Variants in CSMD1 observed in about 807,000 individuals in gnomAD.
CSMD1 encodes the protein CUB and Sushi multiple domains 1.
A neutral mutation model predicts 417.5 loss-of-function variants in CSMD1; 213 were observed. The ratio of observed to expected loss-of-function variants is 0.51; its 90% CI spans 0.46 to 0.57. CSMD1 has a LOEUF of 0.57. Among genes scored for constraint, CSMD1 ranks in the 20% least tolerant of loss-of-function variants. CSMD1 has a pLI of 0.00. For missense variants in CSMD1, 6,923 were observed against 4,529.7 expected (o/e 1.53, Z -15.17); for synonymous variants, 2,862 against 1,736.8 (o/e 1.65, Z -16.11).
At chr8:4,201,395 G>T (rs775530225) in intron 3 of CSMD1, among the ~76,000 whole-genome samples, 62 of 151,760 alleles carry the variant, frequency 4.1e-4, no homozygotes, top group Non-Finnish European at 8.1e-4. Flanking sequence ...AAAATTAGCC[G>T]GGGGTGGCGC....
intron 3 of CSMD1, among the ~76,000 whole-genome samples, chr8:4,085,033 A>G (rs1041648411): frequency 6.6e-6 from 1 of 152,170 alleles, no homozygotes; most frequent in African/African-American, 2.4e-5. Flanking sequence ...AACTATCCAC[A>G]AATTCTAAAG....
At chr8:3,506,617 G>A (rs888277867) in intron 10 of CSMD1, among the ~76,000 whole-genome samples, 1 of 152,076 alleles carries the variant, frequency 6.6e-6, no homozygotes, top group Non-Finnish European at 1.5e-5. Flanking sequence ...AAAAAAGCAT[G>A]CTAATATTTT....
chr8:4,421,455 T>C (rs1797244618), intron 2 of CSMD1, among the ~76,000 whole-genome samples: 1 of 152,158 alleles, frequency 6.6e-6, no homozygotes, highest in Non-Finnish European at 1.5e-5. Context: ...CCTCAAACTA[T>C]ATAAAATAAC....
chr8:4,745,431 G>A (rs553036411), intron 1 of CSMD1, among the ~76,000 whole-genome samples: 78 of 152,252 alleles, frequency 5.1e-4, no homozygotes, highest in African/African-American at 1.8e-3. Flanking sequence ...GAATGACTAT[G>A]TATAGTATTG....
At chr8:4,082,782 A>C (rs951626305) in intron 3 of CSMD1, among the ~76,000 whole-genome samples, 4 of 111,886 alleles carry the variant, frequency 3.6e-5, no homozygotes, top group African/African-American at 1.4e-4. Flanking sequence ...ACCCCACAAC[A>C]GTCCCCACAA....
At chr8:3,203,326 C>T (rs1041818132) in intron 31 of CSMD1, among the ~76,000 whole-genome samples, 3 of 152,164 alleles carry the variant, frequency 2.0e-5, no homozygotes, top group African/African-American at 7.2e-5. Flanking sequence ...CCGTCACACA[C>T]ACTGAGTCCC....
chr8:3,133,599 G>C (rs369767734), intron 41 of CSMD1, among the ~76,000 whole-genome samples: 1 of 152,152 alleles, frequency 6.6e-6, no homozygotes, highest in South Asian at 2.1e-4. Flanking sequence ...CCTATGGCTG[G>C]GCTTTAGGGC....
rs558205217 is a variant in CSMD1 at position 4,255,780 on chromosome 8, A to T, written c.415+164173T>A. 3.9e-5 allele frequency among the ~76,000 whole-genome samples: 6 copies of T among 152,316 alleles called. No homozygotes were observed. In the South Asian group the frequency reaches 1.0e-3, roughly 26 times the overall value. ...CTAAAATTAATATATGTTTAAAGAA[A>T]ACCCCAGCTCCATTCCATGGCCTCC... On this transcript the variant is annotated intron_variant, in intron 3 of 69. Transcript: ENST00000635120.
intron 1 of CSMD1, among the ~76,000 whole-genome samples, chr8:4,889,169 G>C (rs773382628): frequency 3.3e-5 from 5 of 152,066 alleles, no homozygotes; most frequent in East Asian, 3.9e-4. Context: ...GTTACTTTAA[G>C]GTGGAGAATA....
chr8:4,349,919 T>G (rs1800991770), intron 3 of CSMD1, among the ~76,000 whole-genome samples: 1 of 152,044 alleles, frequency 6.6e-6, no homozygotes, highest in Non-Finnish European at 1.5e-5. Flanking sequence ...AAGGTTGTGC[T>G]ATGACCTTTA....
At chr8:4,902,007 A>C (rs1410323647) in intron 1 of CSMD1, among the ~76,000 whole-genome samples, 1 of 152,210 alleles carries the variant, frequency 6.6e-6, no homozygotes, top group Non-Finnish European at 1.5e-5. Flanking sequence ...AGAGGCTGTA[A>C]GGAAATGCAG....
intron 20 of CSMD1, among the ~76,000 whole-genome samples, chr8:3,366,198 C>A (rs1476220216): frequency 6.6e-6 from 1 of 152,118 alleles, no homozygotes. Context: ...TGATTGTTCC[C>A]ATCCTTTGGC....
At chr8:4,813,695 G>A (rs941805675) in intron 1 of CSMD1, among the ~76,000 whole-genome samples, 1 of 152,158 alleles carries the variant, frequency 6.6e-6, no homozygotes, top group African/African-American at 2.4e-5. Flanking sequence ...AGAGATTCAA[G>A]AATCCTCAGT....
intron 49 of CSMD1, among the ~76,000 whole-genome samples, chr8:3,056,241 G>C (rs1413454904): frequency 6.6e-6 from 1 of 152,206 alleles, no homozygotes; most frequent in Non-Finnish European, 1.5e-5. Flanking sequence ...AAAGTAAGTA[G>C]AAGAGACGTC....
intron 3 of CSMD1, among the ~76,000 whole-genome samples, chr8:4,172,798 G>T (rs1797840474): frequency 6.6e-6 from 1 of 152,074 alleles, no homozygotes; most frequent in Non-Finnish European, 1.5e-5. Context: ...CCTATCCCAT[G>T]TCTTTAGGCA....
At chr8:3,424,028 C>A (rs270074) in intron 12 of CSMD1, among the ~76,000 whole-genome samples, 3 of 151,986 alleles carry the variant, frequency 2.0e-5, no homozygotes, top group African/African-American at 7.3e-5. Flanking sequence ...CTCTTCCGTA[C>A]CATTTTAAAA....
At chr8:2,971,696 A>AT (rs1804471326) in intron 57 of CSMD1, among the ~76,000 whole-genome samples, 1 of 152,222 alleles carries the variant, frequency 6.6e-6, no homozygotes, top group South Asian at 2.1e-4. Flanking sequence ...TAATACTGAA[A>AT]TATCTACAAG....
rs1802031078 is a variant in CSMD1 at position 4,236,035 on chromosome 8, GTTTGTTTTTTTTTTTTTTTT to G, written c.415+183898_415+183917del. Among the ~76,000 whole-genome samples, 96 of 112,656 alleles carry G rather than the reference GTTTGTTTTTTTTTTTTTTTT, an allele frequency of 8.5e-4. 1 individual carries two copies. Among genetic ancestry groups the G allele is most frequent in the African/African-American group, 3.5e-3 (90 of 25,764 alleles). The allele number at this position is 112,656 out of a possible 152,430, so 73.9% of individuals were successfully genotyped here. On this transcript the variant is annotated intron_variant, in intron 3 of 69. Coordinates refer to ENST00000635120, the MANE Select transcript of CSMD1 (RefSeq NM_033225.6). ...GAGGTTAATGGATATTGTTTTTTTT[GTTTGTTTTTTTTTTTTTTTT>G]TTTTTTTTTTTTTTGTAATTTCATT...
intron 3 of CSMD1, among the ~76,000 whole-genome samples, chr8:4,245,115 A>C (rs941643148): frequency 5.3e-5 from 8 of 152,202 alleles, no homozygotes; most frequent in Non-Finnish European, 1.2e-4. Context: ...GATTTTCAAT[A>C]TTCACTTCAC....
Sources: allele counts gnomAD v4.1 joint callset (sites outside exome capture counted in the v4.1 genomes callset), GRCh38; gene constraint gnomAD v4.1.1; transcripts MANE v1.5; gene names NCBI Gene and HGNC (gene_info 2026-07-23, HGNC 2026-07-21).